The following TRPC4 variants were observed in gnomAD, a reference collection of about 807,000 sequenced individuals.
TRPC4 encodes the protein short transient receptor potential channel 4.
A neutral mutation model predicts 99.4 loss-of-function variants in TRPC4; 49 were observed. The ratio of observed to expected loss-of-function variants is 0.49; its 90% CI spans 0.39 to 0.63. The LOEUF (loss-of-function observed/expected upper bound fraction) is 0.63, where lower values mean the gene tolerates loss of function less well. Ranked by LOEUF, TRPC4 falls within the 20% of genes least tolerant of loss-of-function variation. The pLI, the probability that TRPC4 is intolerant of heterozygous loss-of-function variation, is 0.00. For synonymous variants in TRPC4, 454 were observed against 425.9 expected (o/e 1.07, Z -0.81); for missense variants, 898 against 1,152.9 (o/e 0.78, Z 3.20).
chr13:37,772,771 AT>A (rs1240365218), intron 2 of TRPC4, among the ~76,000 whole-genome samples: 3 of 151,726 alleles, frequency 2.0e-5, no homozygotes, highest in African/African-American at 7.3e-5. Context: ...GGCGGGATCT[AT>A]TTCTGCAGAG....
intron 3 of TRPC4, among the ~76,000 whole-genome samples, chr13:37,744,288 C>T (rs1955677372): frequency 6.6e-6 from 1 of 152,134 alleles, no homozygotes; most frequent in Non-Finnish European, 1.5e-5. Flanking sequence ...CTTATCTTCC[C>T]ATTTACCACT....
chr13:37,738,843 G>C (rs1028252210), intron 3 of TRPC4, among the ~76,000 whole-genome samples: 7 of 152,160 alleles, frequency 4.6e-5, no homozygotes, highest in African/African-American at 1.7e-4. Flanking sequence ...TAAGACTGTT[G>C]TGGCAGTTGG....
intron 1 of TRPC4, among the ~76,000 whole-genome samples, chr13:37,804,925 A>C (rs1020466049): frequency 6.6e-6 from 1 of 152,090 alleles, no homozygotes; most frequent in African/African-American, 2.4e-5. Flanking sequence ...AATTGTATTC[A>C]CAAACTGTGA....
intron 5 of TRPC4, among the ~76,000 whole-genome samples, chr13:37,667,578 G>A (rs2138719621): frequency 1.3e-5 from 2 of 152,280 alleles, no homozygotes; most frequent in South Asian, 4.1e-4. Context: ...AAAGTGCTGG[G>A]ATTACAGGCA....
chr13:37,780,057 C>T lies in TRPC4; in HGVS notation c.378+2899G>A, dbSNP rs150115360. The stretch of plus-strand genomic sequence containing the variant: ...ACCTTAGGACTCTCGAGAAAAGGAA[C>T]GGTGTCTCCTCCTCAGGGCCCAGGA... On this transcript the variant is annotated intron_variant, in intron 2 of 10. Coordinates refer to ENST00000379705, the MANE Select transcript of TRPC4 (RefSeq NM_016179.4). Among the ~76,000 whole-genome samples, 49 of 152,106 alleles carry T rather than the reference C, an allele frequency of 3.2e-4. No homozygotes were observed. The East Asian group carries it at 8.4e-3, about 26-fold the overall frequency.
chr13:37,793,051 T>C (rs1031365834), intron 1 of TRPC4, among the ~76,000 whole-genome samples: 5 of 152,060 alleles, frequency 3.3e-5, no homozygotes, highest in African/African-American at 1.2e-4. Context: ...CGTGACAAAT[T>C]AGAGTCAGGA....
At chr13:37,832,519 A>G (rs540807516) in intron 1 of TRPC4, among the ~76,000 whole-genome samples, 149 of 152,302 alleles carry the variant, frequency 9.8e-4, no homozygotes, top group Non-Finnish European at 1.7e-3. Context: ...AGCCTAGGTG[A>G]CAGAGCAAGA....
chr13:37,683,319 G>T (rs1010761587), intron 4 of TRPC4, among the ~76,000 whole-genome samples: 4 of 152,118 alleles, frequency 2.6e-5, no homozygotes, highest in African/African-American at 9.7e-5. Context: ...TGGCCATAGG[G>T]TAGCCCATGG....
At chr13:37,638,107 A>C (rs566076194) in intron 10 of TRPC4, among the ~76,000 whole-genome samples, 1 of 152,136 alleles carries the variant, frequency 6.6e-6, no homozygotes, top group Non-Finnish European at 1.5e-5. Flanking sequence ...CCTTCCCCCT[A>C]CATCTGGGTC....
At chr13:37,814,801 C>T (rs770576974) in intron 1 of TRPC4, among the ~76,000 whole-genome samples, 1 of 151,752 alleles carries the variant, frequency 6.6e-6, no homozygotes, top group Non-Finnish European at 1.5e-5. Flanking sequence ...AAAATTCCAA[C>T]TTACTTTTTA....
intron 5 of TRPC4, among the ~76,000 whole-genome samples, chr13:37,667,710 C>G (rs958026873): frequency 1.6e-4 from 24 of 152,198 alleles, no homozygotes; most frequent in Admixed American, 6.5e-4. Flanking sequence ...GATTTTTCAA[C>G]TTGCTACATA....
chr13:37,759,465 T>C (rs1023190966), intron 2 of TRPC4, among the ~76,000 whole-genome samples: 5 of 151,718 alleles, frequency 3.3e-5, no homozygotes, highest in Non-Finnish European at 5.9e-5. Flanking sequence ...AAAAATAAGC[T>C]ACTAAACTAC....
chr13:37,725,049 T>C (rs1955000895), intron 3 of TRPC4, among the ~76,000 whole-genome samples: 1 of 151,952 alleles, frequency 6.6e-6, no homozygotes, highest in African/African-American at 2.4e-5. Flanking sequence ...AAAGGAAGTA[T>C]CAATAAAGAA....
chr13:37,711,402 A>C (rs1040854015), intron 3 of TRPC4, among the ~76,000 whole-genome samples: 3 of 152,022 alleles, frequency 2.0e-5, no homozygotes, highest in Non-Finnish European at 4.4e-5. Flanking sequence ...TGACAATTAG[A>C]TCTTAACTGT....
intron 3 of TRPC4, among the ~76,000 whole-genome samples, chr13:37,699,613 G>A (rs1954037234): frequency 6.6e-6 from 1 of 152,144 alleles, no homozygotes; most frequent in South Asian, 2.1e-4. Flanking sequence ...ATTCTCTGCA[G>A]ACTCTCTTGC....
intron 10 of TRPC4, among the ~76,000 whole-genome samples, chr13:37,638,121 C>T (rs1217735381): frequency 6.6e-6 from 1 of 152,104 alleles, no homozygotes; most frequent in Non-Finnish European, 1.5e-5. Flanking sequence ...CTGGGTCAGC[C>T]TCTACATCCT....
intron 3 of TRPC4, among the ~76,000 whole-genome samples, chr13:37,699,000 T>C (rs780008511): frequency 1.3e-5 from 2 of 152,216 alleles, no homozygotes; most frequent in Non-Finnish European, 2.9e-5. Context: ...CTTTGTATTA[T>C]ATATTTGGAT....
chr13:37,691,637 G>A (rs937561441), intron 4 of TRPC4, among the ~76,000 whole-genome samples: 2 of 152,044 alleles, frequency 1.3e-5, no homozygotes, highest in South Asian at 4.1e-4. Context: ...AGAGTAATCT[G>A]CATGTACTTT....
chr13:37,700,152 T>C (rs780776301), intron 3 of TRPC4, among the ~76,000 whole-genome samples: 43 of 152,198 alleles, frequency 2.8e-4, no homozygotes, highest in Non-Finnish European at 4.7e-4. Flanking sequence ...CAAACTATTA[T>C]GGAAAATAGA....
Sources: allele counts gnomAD v4.1 joint callset (sites outside exome capture counted in the v4.1 genomes callset), GRCh38; gene constraint gnomAD v4.1.1; transcripts MANE v1.5; gene names NCBI Gene and HGNC (gene_info 2026-07-23, HGNC 2026-07-21).